STK33: variants seen among roughly 807,000 people sequenced by gnomAD.
STK33 encodes serine/threonine-protein kinase 33.
A neutral mutation model predicts 58.0 loss-of-function variants in STK33; 52 were observed. That is an observed-to-expected ratio of 0.90 (90% CI 0.72 to 1.13). STK33 has a LOEUF of 1.13. Among genes scored for constraint, STK33 ranks in the 50% most tolerant of loss-of-function variants. The pLI, the probability that STK33 is intolerant of heterozygous loss-of-function variation, is 0.00. For synonymous variants in STK33, 215 were observed against 200.1 expected, an observed-to-expected ratio of 1.07 and a Z score of -0.63; for missense variants, 630 against 604.2, an observed-to-expected ratio of 1.04 and a Z score of -0.45.
chr11:8,506,566 G>A (rs186660536), intron 1 of STK33, among the ~76,000 whole-genome samples: 6 of 152,214 alleles, frequency 3.9e-5, no homozygotes, highest in African/African-American at 7.2e-5. Flanking sequence ...AAGGTTCTCC[G>A]ATTTTTTTAA....
the STK33 span, among the ~76,000 whole-genome samples, chr11:8,360,978 C>T: frequency 1.3e-5 from 2 of 152,208 alleles, no homozygotes; most frequent in African/African-American, 4.8e-5. Flanking sequence ...ACAGCAGTAC[C>T]TAAATTAGCG....
chr11:8,507,499 C>A (rs1261245075), intron 1 of STK33, among the ~76,000 whole-genome samples: 4 of 152,108 alleles, frequency 2.6e-5, no homozygotes, highest in African/African-American at 4.8e-5. Context: ...GGGAATAAGT[C>A]TAAATCACTA....
At chr11:8,481,053 C>A (rs1462352871) in intron 1 of STK33, among the ~76,000 whole-genome samples, 1 of 152,094 alleles carries the variant, frequency 6.6e-6, no homozygotes, top group Non-Finnish European at 1.5e-5. Context: ...GAGGAGCTGT[C>A]CAAAGCCAGC....
rs757481696 is a variant in STK33, at chr11:8,392,658, A to G, written c.1397T>C (p.Met466Thr). Residue 466 changes from methionine (M) to threonine (T), a missense_variant, in exon 16 of 16, where the codon ATG becomes ACG. Met to Thr is a moderately conservative substitution (Grantham distance 81, BLOSUM62 -1). Coordinates refer to ENST00000687296, the MANE Select transcript of STK33 (RefSeq NM_001352389.2). ...GCTAGATGTGAAACTTGAACTGCAC[A>G]TATCAAAGTTGTCCTTACTGGTTGC... is the stretch of plus-strand genomic sequence containing the variant. ...FPATSKDNFD[M>T]CSSSFTSSKL... 39 of 1,614,106 alleles carry G rather than the reference A, an allele frequency of 2.4e-5. No homozygotes were observed. In the South Asian group the frequency reaches 4.0e-4, roughly 16 times the overall value.
At chr11:8,388,407 C>G (rs1848574036), downstream of STK33, among the ~76,000 whole-genome samples, 1 of 152,208 alleles carries the variant, frequency 6.6e-6, no homozygotes, top group Admixed American at 6.5e-5. Flanking sequence ...AGAACAAAGG[C>G]AAAGAAAATT....
chr11:8,500,807 C>T (rs907249262), intron 1 of STK33, among the ~76,000 whole-genome samples: 1 of 152,150 alleles, frequency 6.6e-6, no homozygotes, highest in African/African-American at 2.4e-5. Flanking sequence ...GTAATCCAAA[C>T]ACTGTGGTAC....
At chr11:8,415,223 A>T (rs775982598) in intron 14 of STK33, among the ~76,000 whole-genome samples, 1 of 152,034 alleles carries the variant, frequency 6.6e-6, no homozygotes, top group Non-Finnish European at 1.5e-5. Context: ...TGACACATCT[A>T]AGTCTGCAAT....
chr11:8,531,284 T>C (rs1452670991), intron 1 of STK33, among the ~76,000 whole-genome samples: 2 of 152,192 alleles, frequency 1.3e-5, no homozygotes, highest in Non-Finnish European at 2.9e-5. Flanking sequence ...GTAAGAAAGA[T>C]ACTAAGGCAA....
chr11:8,405,663 A>C (rs1324381866), intron 15 of STK33, among the ~76,000 whole-genome samples: 1 of 152,122 alleles, frequency 6.6e-6, no homozygotes, highest in African/African-American at 2.4e-5. Context: ...CTTATGTTTT[A>C]TCCTAGGAGC....
At chr11:8,562,627 T>G (rs1365525834) in intron 1 of STK33, among the ~76,000 whole-genome samples, 6 of 152,192 alleles carry the variant, frequency 3.9e-5, no homozygotes, top group Non-Finnish European at 5.9e-5. Flanking sequence ...TTTTTTTGTT[T>G]GCTTTTCATT....
intron 6 of STK33, among the ~76,000 whole-genome samples, chr11:8,471,178 C>G (rs1948741372): frequency 6.6e-6 from 1 of 152,158 alleles, no homozygotes; most frequent in Non-Finnish European, 1.5e-5. Context: ...CCCAATTTTT[C>G]TTGTTCTTTA....
chr11:8,504,350 A>G (rs758319411), intron 1 of STK33, among the ~76,000 whole-genome samples: 1 of 152,232 alleles, frequency 6.6e-6, no homozygotes, highest in Non-Finnish European at 1.5e-5. Flanking sequence ...AACTAGGTCA[A>G]TTCTCACAAT....
At chr11:8,559,243 CAT>C (rs1956967001) in intron 1 of STK33, among the ~76,000 whole-genome samples, 1 of 152,206 alleles carries the variant, frequency 6.6e-6, no homozygotes, top group Non-Finnish European at 1.5e-5. Context: ...TACCTTCTCA[CAT>C]ATCCCCAACA....
At chr11:8,440,940 C>G (rs1944667071) in intron 11 of STK33, among the ~76,000 whole-genome samples, 187 bp from the exon 12 acceptor site, 4 of 152,188 alleles carry the variant, frequency 2.6e-5, no homozygotes, top group Admixed American at 2.6e-4. Context: ...TAACCTCACT[C>G]CTATCATTTA....
At position 8,392,391 on chromosome 11, in the gene STK33, T is replaced by C. The variant is rs963732409; in HGVS notation, c.*119A>G. The C allele has an allele frequency of 8.7e-7, 1 of 1,144,318 alleles. No homozygotes were observed. The highest frequency in any genetic ancestry group is 1.3e-6 in the Non-Finnish European group (1 of 788,160). The allele number at this position is 1,144,318 out of a possible 1,614,324, so 70.9% of individuals were successfully genotyped here. On this transcript the variant is annotated 3_prime_UTR_variant, in exon 16 of 16. Coordinates refer to ENST00000687296, the MANE Select transcript of STK33 (RefSeq NM_001352389.2). ...AGCTGGTGCAAACACATGGCGGGGC[T>C]CTGTGGAGCTAAAAGGCTACAAGCT...
chr11:8,574,871 T>G (rs1958068712), intron 1 of STK33, among the ~76,000 whole-genome samples: 1 of 150,972 alleles, frequency 6.6e-6, no homozygotes, highest in Non-Finnish European at 1.5e-5. Flanking sequence ...AGGCCCCATC[T>G]CTACAAAAAA....
intron 1 of STK33, among the ~76,000 whole-genome samples, chr11:8,508,968 T>C (rs1171816404): frequency 2.0e-5 from 3 of 151,942 alleles, no homozygotes; most frequent in Admixed American, 2.0e-4. Flanking sequence ...AATACAAAAT[T>C]AGCTGTGTGT....
chr11:8,587,020 T>C (rs1320158348), intron 1 of STK33, among the ~76,000 whole-genome samples: 1 of 152,094 alleles, frequency 6.6e-6, no homozygotes, highest in Non-Finnish European at 1.5e-5. Context: ...CCAGGCTGTG[T>C]GTCATGTGTA....
chr11:8,579,026 C>CT (rs1475272487), intron 1 of STK33, among the ~76,000 whole-genome samples: 1 of 152,048 alleles, frequency 6.6e-6, no homozygotes, highest in East Asian at 1.9e-4. Context: ...TTAAATGGTA[C>CT]TGCAGACTTG....
Sources: allele counts gnomAD v4.1 joint callset (sites outside exome capture counted in the v4.1 genomes callset), GRCh38; gene constraint gnomAD v4.1.1; transcripts MANE v1.5; gene names NCBI Gene and HGNC (gene_info 2026-07-23, HGNC 2026-07-21).